Variants in KIFAP3 observed in about 807,000 individuals in gnomAD.
KIFAP3 encodes the protein kinesin associated protein 3.
In KIFAP3, 68 loss-of-function variants were observed where a neutral mutation model predicts 106.5. That is an observed-to-expected ratio of 0.64 (90% CI 0.53 to 0.78). KIFAP3 has a LOEUF of 0.78. Among genes scored for constraint, KIFAP3 ranks in the 30% least tolerant of loss-of-function variants. The pLI, the probability that KIFAP3 is intolerant of heterozygous loss-of-function variation, is 0.00. For missense variants in KIFAP3, 780 were observed against 941.8 expected (o/e 0.83, Z 2.25); for synonymous variants, 320 against 311.5 (o/e 1.03, Z -0.29).
At chr1:169,939,841 G>T (rs1448349371) in intron 19 of KIFAP3, among the ~76,000 whole-genome samples, 1 of 152,178 alleles carries the variant, frequency 6.6e-6, no homozygotes, top group Non-Finnish European at 1.5e-5. Context: ...GATGAGAATG[G>T]TCCATTAGAT....
intron 19 of KIFAP3, among the ~76,000 whole-genome samples, chr1:169,926,818 A>G (rs1663166906): frequency 1.3e-5 from 2 of 152,134 alleles, no homozygotes; most frequent in Admixed American, 1.3e-4. Context: ...ATATTTATAA[A>G]TAGGCAGCAG....
intron 2 of KIFAP3, among the ~76,000 whole-genome samples, chr1:170,049,985 G>A (rs1462906331): frequency 6.6e-6 from 1 of 152,170 alleles, no homozygotes; most frequent in Admixed American, 6.5e-5. Context: ...ACTGGATGGA[G>A]AATGAGATTG....
At chr1:170,038,265 A>G (rs1669786864) in intron 5 of KIFAP3, 25 bp downstream of exon 5, 2 of 1,529,060 alleles carry the variant, frequency 1.3e-6, no homozygotes, top group Non-Finnish European at 1.8e-6. Flanking sequence ...CTCTATTATA[A>G]TTAAACATGT....
chr1:169,939,819 C>T lies in KIFAP3; in HGVS notation c.2273+14192G>A, dbSNP rs1254317883. On this transcript the variant is annotated intron_variant, in intron 19 of 19. Transcript: ENST00000361580. ...GCCTGGTCAACTGTGTCAAAACCAG[C>T]TGAGAGGTAAAGATGAGAATGGTCC... 2.0e-5 allele frequency among the ~76,000 whole-genome samples: 3 copies of T among 152,052 alleles called. No individual in the cohort carries two copies. In the East Asian group the frequency reaches 5.8e-4, roughly 29 times the overall value.
chr1:169,970,958 G>A (rs1665892425), intron 17 of KIFAP3, among the ~76,000 whole-genome samples: 1 of 151,972 alleles, frequency 6.6e-6, no homozygotes, highest in Admixed American at 6.6e-5. Flanking sequence ...AGAGACACAG[G>A]GTTGGGGTGA....
intron 1 of KIFAP3, among the ~76,000 whole-genome samples, chr1:170,080,364 T>C (rs1672000870): frequency 6.6e-6 from 1 of 152,122 alleles, no homozygotes; most frequent in African/African-American, 2.4e-5. Flanking sequence ...ATAGATTCTA[T>C]ATAACTCCAA....
In KIFAP3 at chr1:170,046,210, CAAAA is replaced by C. The variant is rs60580320; in HGVS notation, c.319+498_319+501del. On this transcript the variant is annotated intron_variant, in intron 3 of 19. Coordinates refer to ENST00000361580, the MANE Select transcript of KIFAP3 (RefSeq NM_014970.4). ...CCAGATTAAACCTTTTTCTCTGCTG[CAAAA>C]AAAAAAAAAAAAAAAGGAAACAGAG... Among the ~76,000 whole-genome samples, 9 of 56,930 alleles carry C rather than the reference CAAAA, an allele frequency of 1.6e-4. No homozygotes were observed. In the East Asian group the frequency reaches 7.9e-3, roughly 50 times the overall value. 37.3% of individuals were successfully genotyped at this position (56,930 alleles called of 152,430 possible).
chr1:170,037,704 A>C (rs1256212808), intron 5 of KIFAP3, among the ~76,000 whole-genome samples: 1 of 152,098 alleles, frequency 6.6e-6, no homozygotes, highest in African/African-American at 2.4e-5. Flanking sequence ...CAGTGAGCCA[A>C]AGGTTGCAGT....
At chr1:170,060,005 T>C (rs943922269) in intron 1 of KIFAP3, among the ~76,000 whole-genome samples, 4 of 152,168 alleles carry the variant, frequency 2.6e-5, no homozygotes, top group African/African-American at 7.2e-5. Context: ...TAGGTATTGA[T>C]GGGACGTATA....
intron 10 of KIFAP3, among the ~76,000 whole-genome samples, chr1:169,997,884 A>AAG (rs1667445074): frequency 3.8e-4 from 5 of 13,054 alleles, no homozygotes; most frequent in African/African-American, 2.8e-3. Flanking sequence ...AAAAAAAAAG[A>AAG]AAAAAAAAAG....
At chr1:170,074,174 C>T (rs1034267885) in intron 1 of KIFAP3, among the ~76,000 whole-genome samples, 3 of 152,128 alleles carry the variant, frequency 2.0e-5, no homozygotes, top group Non-Finnish European at 2.9e-5. Context: ...TCCCTCTCCC[C>T]CTGGAATAAG....
chr1:170,068,123 A>G (rs937305289), intron 1 of KIFAP3: 4 of 152,168 alleles, frequency 2.6e-5, no homozygotes, highest in African/African-American at 7.2e-5. Context: ...TTTGGATACC[A>G]TAATATTCAA....
intron 1 of KIFAP3, among the ~76,000 whole-genome samples, chr1:170,060,698 A>G (rs561619799): frequency 2.0e-5 from 3 of 152,206 alleles, no homozygotes; most frequent in East Asian, 1.9e-4. Flanking sequence ...AGCCCGCATC[A>G]CCAAGTCAAT....
chr1:169,922,744 G>A (rs1251040779), intron 19 of KIFAP3, among the ~76,000 whole-genome samples: 1 of 152,202 alleles, frequency 6.6e-6, no homozygotes, highest in Non-Finnish European at 1.5e-5. Flanking sequence ...GACACCATTT[G>A]TAATGCAGAA....
intron 19 of KIFAP3, among the ~76,000 whole-genome samples, chr1:169,939,433 T>C (rs1663987565): frequency 6.6e-6 from 1 of 152,178 alleles, no homozygotes; most frequent in African/African-American, 2.4e-5. Flanking sequence ...CCTGTTTATA[T>C]GTGAGAAATC....
chr1:170,075,392 A>G (rs1035947082), upstream of KIFAP3, among the ~76,000 whole-genome samples: 1 of 152,152 alleles, frequency 6.6e-6, no homozygotes, highest in Non-Finnish European at 1.5e-5. Flanking sequence ...CTGTGTGCCA[A>G]ACACCAAACC....
intron 8 of KIFAP3, among the ~76,000 whole-genome samples, chr1:170,026,955 A>T (rs139529498): frequency 6.6e-6 from 1 of 152,226 alleles, no homozygotes; most frequent in East Asian, 1.9e-4. Flanking sequence ...TAAAACTCAA[A>T]GATATTTTTA....
chr1:169,982,820 C>T lies in KIFAP3; in HGVS notation c.1554G>A (p.Glu518=), dbSNP rs912079640. The change falls in exon 14 of 20, where the codon GAG becomes GAA. Residue 518 remains glutamate, a synonymous_variant. Coordinates refer to ENST00000361580, the MANE Select transcript of KIFAP3 (RefSeq NM_014970.4). ...TTCCCAAACATTCAATCACAAACTCCTCTTCTTCATCATTAGAGATCTGGG... is the reference window on the plus strand; with the variant it reads ...TTCCCAAACATTCAATCACAAACTCTTCTTCTTCATCATTAGAGATCTGGG... ...LAAQISNDEE[E]EFVIECLGTL... 6.2e-7 allele frequency: 1 copy of T among 1,605,318 alleles called. No individual in the cohort carries two copies. The highest frequency in any genetic ancestry group is 8.5e-7 in the Non-Finnish European group (1 of 1,174,164).
intron 18 of KIFAP3, among the ~76,000 whole-genome samples, chr1:169,959,008 T>C (rs1665178243): frequency 6.6e-6 from 1 of 152,098 alleles, no homozygotes; most frequent in African/African-American, 2.4e-5. Flanking sequence ...GACTAGAAAA[T>C]AGCACATGCC....
Sources: allele counts gnomAD v4.1 joint callset (sites outside exome capture counted in the v4.1 genomes callset), GRCh38; gene constraint gnomAD v4.1.1; transcripts MANE v1.5; gene names NCBI Gene and HGNC (gene_info 2026-07-23, HGNC 2026-07-21).